ACACA: variants seen among roughly 807,000 people sequenced by gnomAD.
The protein encoded by ACACA is acetyl-CoA carboxylase 1.
A neutral mutation model predicts 296.1 loss-of-function variants in ACACA; 103 were observed. The ratio of observed to expected loss-of-function variants is 0.35; its 90% CI spans 0.30 to 0.41. The LOEUF is 0.41. Ranked by LOEUF, ACACA falls within the 10% of genes least tolerant of loss-of-function variation. The pLI, the probability that ACACA is intolerant of heterozygous loss-of-function variation, is 1.00. For missense variants in ACACA, 1,554 were observed against 2,989.7 expected (o/e 0.52, Z 11.20); for synonymous variants, 953 against 1,038.6 (o/e 0.92, Z 1.58).
chr17:37,247,355 G>A (rs2080759722), intron 18 of ACACA, among the ~76,000 whole-genome samples: 1 of 147,854 alleles, frequency 6.8e-6, no homozygotes, highest in Admixed American at 6.8e-5. Flanking sequence ...CATAACTGGT[G>A]TTGAACATTT....
intron 3 of ACACA, among the ~76,000 whole-genome samples, chr17:37,329,536 G>A (rs1269922014): frequency 6.6e-6 from 1 of 151,804 alleles, no homozygotes; most frequent in Non-Finnish European, 1.5e-5. Flanking sequence ...AGCTATTCAG[G>A]AGGCTGAGGC....
chr17:37,376,437 G>C (rs1195126739), intron 1 of ACACA, among the ~76,000 whole-genome samples: 1 of 152,128 alleles, frequency 6.6e-6, no homozygotes, highest in African/African-American at 2.4e-5. Flanking sequence ...GCTTTCTTTA[G>C]AGTTTCAGTA....
At chr17:37,125,306 CT>C (rs894998881) in intron 48 of ACACA, among the ~76,000 whole-genome samples, 1 of 152,006 alleles carries the variant, frequency 6.6e-6, no homozygotes, top group Admixed American at 6.5e-5. Flanking sequence ...CGAAGAACCT[CT>C]TTCCAGTTAC....
In ACACA at chr17:37,113,287, A is replaced by G; in HGVS notation, c.6275-22T>C. On this transcript the variant is annotated intron_variant, in intron 50 of 55. Transcript: ENST00000616317. The surrounding 1 kb of genome is among the most constrained non-coding windows in gnomAD (Gnocchi z 4.0). ...ATATCTATGGAGAATGAGACAAATT[A>G]GAAATCAAGAAATTTCTCTTCCTCA... The G allele has an allele frequency of 6.2e-7, 1 of 1,611,988 alleles. No individual in the cohort carries two copies. Among genetic ancestry groups the G allele is most frequent in the Middle Eastern group, 1.7e-4 (1 of 6,058 alleles).
rs780192984 is a variant in ACACA, at chr17:37,276,057, C to T, written c.803-8G>A. On this transcript the variant is annotated splice_region_variant and splice_polypyrimidine_tract_variant and intron_variant, in intron 7 of 55. Transcript: ENST00000616317. Reference sequence around the variant, plus strand: ...TGGCCTGGCTTGGAGGACCTAAAAACGAAACAGGAAAAGAATCCTGACTGT... The same window carrying T: ...TGGCCTGGCTTGGAGGACCTAAAAATGAAACAGGAAAAGAATCCTGACTGT... 20 of 1,610,214 alleles carry T rather than the reference C, an allele frequency of 1.2e-5. No individual in the cohort carries two copies. Among genetic ancestry groups the T allele is most frequent in the South Asian group, 7.7e-5 (7 of 91,026 alleles).
At chr17:37,102,712 G>A (rs1475933538) in intron 52 of ACACA, among the ~76,000 whole-genome samples, 3 of 152,250 alleles carry the variant, frequency 2.0e-5, no homozygotes, top group African/African-American at 7.2e-5. Flanking sequence ...GAGCAGCTAC[G>A]GGCTGAGGAC....
chr17:37,119,422 A>C (rs1055239043), intron 50 of ACACA, among the ~76,000 whole-genome samples: 1 of 152,116 alleles, frequency 6.6e-6, no homozygotes, highest in South Asian at 2.1e-4. Context: ...TCAATTTCTC[A>C]TGGTATTTCC....
rs768671129 is a variant in ACACA, at chr17:37,243,577, G to C, written c.2743-18C>G. On this transcript the variant is annotated intron_variant, in intron 21 of 55. Coordinates refer to ENST00000616317, the MANE Select transcript of ACACA (RefSeq NM_198834.3). Reference sequence around the variant, plus strand: ...TCTTTTACCTAGAAAGAAAGCATTGGTAAAATAGGACCCAAGTTAACACAA... The same window carrying C: ...TCTTTTACCTAGAAAGAAAGCATTGCTAAAATAGGACCCAAGTTAACACAA... The C allele has an allele frequency of 6.2e-7, 1 of 1,612,012 alleles. No homozygotes were observed. Among genetic ancestry groups the C allele is most frequent in the Non-Finnish European group, 8.5e-7 (1 of 1,178,556 alleles).
At chr17:37,174,763 C>T (rs1440717756) in intron 41 of ACACA, among the ~76,000 whole-genome samples, 2 of 151,724 alleles carry the variant, frequency 1.3e-5, no homozygotes, top group Non-Finnish European at 2.9e-5. Flanking sequence ...GATCTCTTGA[C>T]CTCATGATCT....
intron 22 of ACACA, 141 bp downstream of exon 22, chr17:37,243,230 C>T: frequency 1.2e-6 from 1 of 843,476 alleles, no homozygotes; most frequent in Non-Finnish European, 1.9e-6. Flanking sequence ...TACCCTGAGG[C>T]AGTTTTGTGA....
intron 1 of ACACA, among the ~76,000 whole-genome samples, chr17:37,398,436 G>A (rs529343010): frequency 2.6e-4 from 38 of 143,996 alleles, no homozygotes; most frequent in South Asian, 2.3e-4. Flanking sequence ...ACAGACATGC[G>A]CCACCATGCC....
Position 37,248,681 on chromosome 17 carries a change from G to A in ACACA, c.2082-7C>T. ...AGCAGGAAGGACTTGACCCCTGAAA[G>A]AACGATGAGAGAGGAACTTACTACA... is the stretch of plus-strand genomic sequence containing the variant. On this transcript the variant is annotated splice_polypyrimidine_tract_variant and splice_region_variant and intron_variant, in intron 16 of 55. Coordinates refer to ENST00000616317, the MANE Select transcript of ACACA (RefSeq NM_198834.3). 6.3e-7 allele frequency: 1 copy of A among 1,592,686 alleles called. No homozygotes were observed. The highest frequency in any genetic ancestry group is 1.1e-5 in the South Asian group (1 of 90,406).
At chr17:37,250,492 G>C (rs7503749) in intron 16 of ACACA, among the ~76,000 whole-genome samples, 1 of 151,768 alleles carries the variant, frequency 6.6e-6, no homozygotes, top group East Asian at 1.9e-4. Flanking sequence ...ACAAAAATGA[G>C]CTGGGCGTGG....
intron 29 of ACACA, among the ~76,000 whole-genome samples, chr17:37,215,365 C>T (rs1258373219): frequency 6.6e-6 from 1 of 152,104 alleles, no homozygotes; most frequent in African/African-American, 2.4e-5. Flanking sequence ...AAATGTGATG[C>T]TTCTTATTTG....
chr17:37,298,697 G>A (rs1040819525), intron 3 of ACACA, among the ~76,000 whole-genome samples: 1 of 152,138 alleles, frequency 6.6e-6, no homozygotes, highest in African/African-American at 2.4e-5. Context: ...CTGCAGGGAG[G>A]TGCAGACCTG....
intron 28 of ACACA, chr17:37,222,106 C>T (rs766945343): frequency 2.0e-6 from 1 of 501,502 alleles, no homozygotes; most frequent in South Asian, 2.2e-5. Context: ...TCCACACTAA[C>T]CTAAACCCTG....
chr17:37,230,997 C>T (rs2145799066), intron 25 of ACACA, among the ~76,000 whole-genome samples: 1 of 152,302 alleles, frequency 6.6e-6, no homozygotes, highest in South Asian at 2.1e-4. Flanking sequence ...TTATTTCTTG[C>T]TTTTACTTTT....
At chr17:37,160,079 G>A (rs574594350) in intron 42 of ACACA, among the ~76,000 whole-genome samples, 1 of 152,310 alleles carries the variant, frequency 6.6e-6, no homozygotes, top group East Asian at 1.9e-4. Flanking sequence ...AGTGAAGTGG[G>A]TTCAAGAGGG....
chr17:37,100,630 CA>C (rs35888166), intron 52 of ACACA, among the ~76,000 whole-genome samples: 214 of 105,404 alleles, frequency 2.0e-3, no homozygotes, highest in Middle Eastern at 7.2e-3. Flanking sequence ...GACCGCCCCT[CA>C]AAAAAAAAAA....
Sources: allele counts gnomAD v4.1 joint callset (sites outside exome capture counted in the v4.1 genomes callset), GRCh38; gene constraint gnomAD v4.1.1; non-coding constraint Gnocchi (gnomAD v3.1); transcripts MANE v1.5; gene names NCBI Gene and HGNC (gene_info 2026-07-23, HGNC 2026-07-21).